TMEM72: variants seen among roughly 807,000 people sequenced by gnomAD.
TMEM72 encodes the protein kidney-specific secretory protein of 37 kDa.
A neutral mutation model predicts 16.3 loss-of-function variants in TMEM72; 9 were observed. That is an observed-to-expected ratio of 0.55 (90% CI 0.33 to 0.96). TMEM72 has a LOEUF of 0.96. TMEM72 is among the 40% of genes least tolerant of loss of function. TMEM72 has a pLI of 0.03. For synonymous variants in TMEM72, 160 were observed against 146.5 expected, an observed-to-expected ratio of 1.09 and a Z score of -0.66; for missense variants, 324 against 337.8, an observed-to-expected ratio of 0.96 and a Z score of 0.32.
chr10:44,934,633 C>T (rs1373911821), intron 4 of TMEM72, 23 bp from the exon 5 acceptor site: 1 of 1,536,988 alleles, frequency 6.5e-7, no homozygotes, highest in African/African-American at 1.4e-5. Context: ...CCTCTAGAGC[C>T]CTGACCTCTG....
chr10:44,930,225 C>T (rs144672855), intron 2 of TMEM72, among the ~76,000 whole-genome samples: 9 of 152,294 alleles, frequency 5.9e-5, no homozygotes, highest in African/African-American at 2.2e-4. Context: ...CCTGTCTGTC[C>T]CTCCCTGCCA....
intron 1 of TMEM72, among the ~76,000 whole-genome samples, chr10:44,916,899 A>T (rs946196171): frequency 1.3e-5 from 2 of 152,180 alleles, no homozygotes; most frequent in African/African-American, 4.8e-5. Flanking sequence ...ACTGTTGCTG[A>T]GTCCCCAGTG....
At position 44,933,643 on chromosome 10, in the gene TMEM72, A is replaced by G; in HGVS notation, c.216A>G (p.Gln72=). 2 of 1,613,030 alleles carry G rather than the reference A, an allele frequency of 1.2e-6. No homozygotes were observed. The highest frequency in any genetic ancestry group is 1.3e-5 in the African/African-American group (1 of 74,998). ...AQLLAICFQC[Q]PGSLADRVRE... is the part of the protein sequence containing the mutation. ...CTGGACTCCCTCTCCCCAGGTGTCA[A>G]CCAGGGTCCCTGGCAGACAGAGTAA... The change falls in exon 4 of 5, where the codon CAA becomes CAG. Residue 72 remains glutamine, a synonymous_variant. Transcript: ENST00000389583.
intron 2 of TMEM72, among the ~76,000 whole-genome samples, chr10:44,929,172 T>C (rs1352891648): frequency 6.6e-6 from 1 of 152,124 alleles, no homozygotes; most frequent in Non-Finnish European, 1.5e-5. Flanking sequence ...CAATGTCTTT[T>C]CTTCTCCACT....
intron 1 of TMEM72, among the ~76,000 whole-genome samples, chr10:44,924,617 G>A (rs570111444): frequency 4.6e-5 from 7 of 152,350 alleles, no homozygotes; most frequent in South Asian, 2.1e-4. Flanking sequence ...GGAGGGACTC[G>A]GTGCGAGTCC....
In TMEM72 at chr10:44,934,704, GGAA is replaced by G. The variant is rs748288298; in HGVS notation, c.404_406del (p.Lys135del). ...CTGGCCTACTTCCTTCTGAGCAAGC[GGAA>G]GAAGAGGAAAGCTGCCCCCGAGGTG... On this transcript the variant is annotated inframe_deletion, in exon 5 of 5. Coordinates refer to ENST00000389583, the MANE Select transcript of TMEM72 (RefSeq NM_001123376.3). 11 of 1,608,130 alleles carry G rather than the reference GGAA, an allele frequency of 6.8e-6. No homozygotes were observed. The highest frequency in any genetic ancestry group is 9.3e-6 in the Non-Finnish European group (11 of 1,177,952).
At chr10:44,915,166 A>G (rs1271895729) in intron 1 of TMEM72, among the ~76,000 whole-genome samples, 1 of 152,074 alleles carries the variant, frequency 6.6e-6, no homozygotes, top group Non-Finnish European at 1.5e-5. Flanking sequence ...AGGCCTCCCA[A>G]TTTCCCTCAG....
Position 44,935,148 on chromosome 10 carries a change from C to A in TMEM72, c.*14C>A. 1.3e-6 allele frequency: 2 copies of A among 1,550,592 alleles called. No individual in the cohort carries two copies. Among genetic ancestry groups the A allele is most frequent in the Non-Finnish European group, 1.7e-6 (2 of 1,148,704 alleles). Reference sequence around the variant, plus strand: ...GGCCTGTTCTGAGCGCTTGCTCCAGCCTGGAGGACGCTCAGTGAGGGGTCT... The same window carrying A: ...GGCCTGTTCTGAGCGCTTGCTCCAGACTGGAGGACGCTCAGTGAGGGGTCT... On this transcript the variant is annotated 3_prime_UTR_variant, in exon 5 of 5. Coordinates refer to ENST00000389583, the MANE Select transcript of TMEM72 (RefSeq NM_001123376.3).
At chr10:44,934,566 T>C in intron 4 of TMEM72, 90 bp from the exon 5 acceptor site, 2 of 1,318,524 alleles carry the variant, frequency 1.5e-6, no homozygotes, top group Non-Finnish European at 2.1e-6. Flanking sequence ...CAGCGCCGGG[T>C]TGCAGGAGCT....
Position 44,911,340 on chromosome 10 carries a change from C to T in TMEM72, c.-173C>T. ...ACGGGCTGAGAGCACAGAAGGTGAGCCCTATTCACACCTCGGCCAGGCTGC... is the reference window on the plus strand; with the variant it reads ...ACGGGCTGAGAGCACAGAAGGTGAGTCCTATTCACACCTCGGCCAGGCTGC... On this transcript the variant is annotated 5_prime_UTR_variant, in exon 1 of 5. Coordinates refer to ENST00000389583, the MANE Select transcript of TMEM72 (RefSeq NM_001123376.3). 2 of 614,870 alleles carry T rather than the reference C, an allele frequency of 3.3e-6. No homozygotes were observed. Among genetic ancestry groups the T allele is most frequent in the Non-Finnish European group, 5.8e-6 (2 of 347,584 alleles). The allele number at this position is 614,870 out of a possible 1,614,324, so 38.1% of individuals were successfully genotyped here. A position where few individuals can be genotyped will look rare whatever the true frequency, so the allele number is the denominator to read the frequency against.
At chr10:44,919,979 A>G (rs1335568754) in intron 1 of TMEM72, 1 of 152,232 alleles carries the variant, frequency 6.6e-6, no homozygotes. Flanking sequence ...AGTCTTGGAA[A>G]TGGTACAAAT....
At chr10:44,924,600 G>C (rs1840155355) in intron 1 of TMEM72, among the ~76,000 whole-genome samples, 1 of 152,230 alleles carries the variant, frequency 6.6e-6, no homozygotes, top group Non-Finnish European at 1.5e-5. Context: ...ACAGAGCAGG[G>C]GACAGAGGAG....
chr10:44,925,955 A>T (rs1840180705), intron 1 of TMEM72, among the ~76,000 whole-genome samples: 1 of 151,834 alleles, frequency 6.6e-6, no homozygotes, highest in South Asian at 2.1e-4. Flanking sequence ...TTACACACAC[A>T]CTCACACACA....
chr10:44,929,932 A>G (rs1435710852), intron 2 of TMEM72, among the ~76,000 whole-genome samples: 1 of 152,160 alleles, frequency 6.6e-6, no homozygotes, highest in African/African-American at 2.4e-5. Flanking sequence ...CCTGGTTCTG[A>G]ACACCCTCCG....
intron 3 of TMEM72, 60 bp from the exon 4 acceptor site, chr10:44,933,577 T>C (rs1412993614): frequency 6.4e-7 from 1 of 1,567,440 alleles, no homozygotes; most frequent in African/African-American, 1.3e-5. Context: ...CTCCATGGCA[T>C]CCAGTCTTGC....
intron 1 of TMEM72, among the ~76,000 whole-genome samples, chr10:44,912,523 C>T (rs1839952517): frequency 6.6e-6 from 1 of 152,244 alleles, no homozygotes; most frequent in Non-Finnish European, 1.5e-5. Flanking sequence ...GGAAAGTTCT[C>T]CTAGGTCAAA....
At chr10:44,933,522 C>T (rs1273206021) in intron 3 of TMEM72, 115 bp from the exon 4 acceptor site, 2 of 1,393,724 alleles carry the variant, frequency 1.4e-6, no homozygotes. Flanking sequence ...TTCTGTTCAG[C>T]CAGGGCCCAC....
chr10:44,930,859 C>G (rs753986089), intron 2 of TMEM72, among the ~76,000 whole-genome samples: 2 of 152,228 alleles, frequency 1.3e-5, no homozygotes, highest in Admixed American at 6.5e-5. Flanking sequence ...GAAACTAAGA[C>G]AGAGAAAGGT....
In TMEM72 at chr10:44,935,102, C is replaced by T. The variant is rs774094759; in HGVS notation, c.796C>T (p.Leu266=). 1 of 1,606,068 alleles carries T rather than the reference C, an allele frequency of 6.2e-7. No homozygotes were observed. Among genetic ancestry groups the T allele is most frequent in the East Asian group, 2.2e-5 (1 of 44,822 alleles). ...TCCCCCTCCCCAGGCCCCACTCTTC[C>T]TGTCATCTCTTACAGCCACCGGCCT... is the stretch of plus-strand genomic sequence containing the variant. ...IIPPPQAPLF[L]SSLTATGLF The change falls in exon 5 of 5, where the codon CTG becomes TTG. Residue 266 remains leucine (L), a synonymous_variant. Coordinates refer to ENST00000389583, the MANE Select transcript of TMEM72 (RefSeq NM_001123376.3).
Sources: allele counts gnomAD v4.1 joint callset (sites outside exome capture counted in the v4.1 genomes callset), GRCh38; gene constraint gnomAD v4.1.1; transcripts MANE v1.5; gene names NCBI Gene and HGNC (gene_info 2026-07-23, HGNC 2026-07-21).